Variants in STYX observed in about 807,000 individuals in gnomAD.
STYX encodes serine/threonine/tyrosine-interacting protein.
In STYX, 20 loss-of-function variants were observed where a neutral mutation model predicts 42.7. That is an observed-to-expected ratio of 0.47 (90% CI 0.33 to 0.68). The LOEUF (loss-of-function observed/expected upper bound fraction) is 0.68. Among genes scored for constraint, STYX ranks in the 30% least tolerant of loss-of-function variants. The pLI, the probability that STYX is intolerant of heterozygous loss-of-function variation, is 0.02. For missense variants in STYX, 226 were observed against 268.5 expected, an observed-to-expected ratio of 0.84 and a Z score of 1.11; for synonymous variants, 78 against 81.9, an observed-to-expected ratio of 0.95 and a Z score of 0.26.
At chr14:52,732,263 C>G (rs1341245862) in intron 1 of STYX, among the ~76,000 whole-genome samples, 2 of 131,310 alleles carry the variant, frequency 1.5e-5, no homozygotes, top group Non-Finnish European at 3.2e-5. Flanking sequence ...CCGCCAGGCC[C>G]AGCTTTTTTT....
chr14:52,750,747 A>G lies in STYX; in HGVS notation c.209A>G (p.Asn70Ser). The G allele has an allele frequency of 6.3e-7, 1 of 1,594,532 alleles. No individual in the cohort carries two copies. Among genetic ancestry groups the G allele is most frequent in the African/African-American group, 1.3e-5 (1 of 74,154 alleles). ...IICIRQNIEA[N>S]FIKPNFQQLF... Reference sequence around the variant, plus strand: ...TGCATACGACAAAATATTGAAGCAAACTTTATTAAACCAAACTTTCAGCAG... The same window carrying G: ...TGCATACGACAAAATATTGAAGCAAGCTTTATTAAACCAAACTTTCAGCAG... Residue 70 changes from asparagine to serine, a missense_variant, in exon 4 of 11, where the codon AAC (asparagine) becomes AGC (serine). By Grantham distance (46) the Asn-to-Ser change is conservative (BLOSUM62 1). Transcript: ENST00000354586.
intron 9 of STYX, among the ~76,000 whole-genome samples, chr14:52,767,732 T>C (rs1050505198): frequency 7.9e-5 from 12 of 152,170 alleles, no homozygotes; most frequent in Non-Finnish European, 1.6e-4. Context: ...TTATTTTGTT[T>C]AAATTGATAA....
At chr14:52,732,305 C>T (rs1276046279) in intron 1 of STYX, among the ~76,000 whole-genome samples, 8 of 133,148 alleles carry the variant, frequency 6.0e-5, no homozygotes, top group African/African-American at 2.0e-4. Context: ...CTCACTCTGT[C>T]GCCCAGGCTG....
At chr14:52,759,822 T>C in intron 9 of STYX, 68 bp downstream of exon 9, 2 of 1,034,688 alleles carry the variant, frequency 1.9e-6, no homozygotes, top group Non-Finnish European at 2.9e-6. Context: ...GTAATTTAGG[T>C]GTACAATTTA....
chr14:52,757,022 T>C (rs555710506), intron 5 of STYX, among the ~76,000 whole-genome samples: 1 of 152,326 alleles, frequency 6.6e-6, no homozygotes, highest in African/African-American at 2.4e-5. Flanking sequence ...CTACTTTTAC[T>C]TTGCTATGAC....
At chr14:52,756,675 C>CTTTTTTTT (rs748826005) in intron 5 of STYX, 64 bp downstream of exon 5, 2 of 70,444 alleles carry the variant, frequency 2.8e-5, no homozygotes, top group Non-Finnish European at 5.1e-5. Flanking sequence ...CTTAGTTGTG[C>CTTTTTTTT]TTTTTTTTTT....
In STYX at chr14:52,732,045, G is replaced by A. The variant is rs192263181; in HGVS notation, c.57+1514G>A. Among the ~76,000 whole-genome samples the A allele has an allele frequency of 3.0e-3, 444 of 149,076 alleles. 1 individual carries two copies. Among genetic ancestry groups the A allele is most frequent in the Non-Finnish European group, 5.0e-3 (341 of 67,536 alleles). ...CCGCCTTGTCCTCCGAAAGTGTTGGGATTACAGGTGTGAGCCACTGCACCT... is the reference window on the plus strand; with the variant it reads ...CCGCCTTGTCCTCCGAAAGTGTTGGAATTACAGGTGTGAGCCACTGCACCT... On this transcript the variant is annotated intron_variant, in intron 1 of 10. Coordinates refer to ENST00000354586, the MANE Select transcript of STYX (RefSeq NM_145251.4).
In STYX at chr14:52,771,096, A is replaced by G. The variant is rs1566682954; in HGVS notation, c.662A>G (p.Gln221Arg). Residue 221 changes from glutamine (Q) to arginine (R), a missense_variant, in exon 11 of 11, where the codon CAG (glutamine) becomes CGG (arginine). Gln to Arg is a conservative substitution (Grantham distance 43, BLOSUM62 1). Coordinates refer to ENST00000354586, the MANE Select transcript of STYX (RefSeq NM_145251.4). ...GGAACCATGCAAGTGGCGACTGCACAGAATGGCTGACTTGAAGAGCAACAT... is the reference window on the plus strand; with the variant it reads ...GGAACCATGCAAGTGGCGACTGCACGGAATGGCTGACTTGAAGAGCAACAT... ...DFGTMQVATA[Q>R]NG The G allele has an allele frequency of 1.2e-6, 2 of 1,609,500 alleles. No individual in the cohort carries two copies. Among genetic ancestry groups the G allele is most frequent in the Non-Finnish European group, 8.5e-7 (1 of 1,176,972 alleles).
intron 1 of STYX, among the ~76,000 whole-genome samples, chr14:52,744,520 A>C (rs1881321055): frequency 6.6e-6 from 1 of 152,080 alleles, no homozygotes; most frequent in Admixed American, 6.6e-5. Flanking sequence ...GAAACAAAAA[A>C]AATCTATTGG....
intron 9 of STYX, among the ~76,000 whole-genome samples, chr14:52,761,212 C>T (rs1882079971): frequency 1.3e-5 from 2 of 151,588 alleles, no homozygotes; most frequent in Non-Finnish European, 2.9e-5. Context: ...CCTGTAATCC[C>T]AGCTACTCAG....
At chr14:52,744,480 T>C (rs774306061) in intron 1 of STYX, among the ~76,000 whole-genome samples, 2 of 152,208 alleles carry the variant, frequency 1.3e-5, no homozygotes, top group Non-Finnish European at 2.9e-5. Context: ...GTTTTAGGTA[T>C]CTGCTGTCAG....
At chr14:52,767,192 G>A (rs1882336095) in intron 9 of STYX, among the ~76,000 whole-genome samples, 2 of 152,198 alleles carry the variant, frequency 1.3e-5, no homozygotes, top group Non-Finnish European at 2.9e-5. Flanking sequence ...ATTTGAGGTA[G>A]AGGAATAAGT....
At chr14:52,762,207 T>A (rs778909668) in intron 9 of STYX, among the ~76,000 whole-genome samples, 29 of 152,124 alleles carry the variant, frequency 1.9e-4, no homozygotes, top group Admixed American at 5.2e-4. Context: ...ATTTTTGTGA[T>A]CATTTGTTGG....
At chr14:52,743,609 T>C (rs1056328060) in intron 1 of STYX, among the ~76,000 whole-genome samples, 1 of 152,048 alleles carries the variant, frequency 6.6e-6, no homozygotes, top group Non-Finnish European at 1.5e-5. Flanking sequence ...AAAAATACTT[T>C]TCTGACTTAG....
At chr14:52,746,764 C>T (rs1881411437) in intron 3 of STYX, among the ~76,000 whole-genome samples, 1 of 152,160 alleles carries the variant, frequency 6.6e-6, no homozygotes, top group Non-Finnish European at 1.5e-5. Flanking sequence ...CTCTAAAACA[C>T]TAGACATCTG....
chr14:52,749,822 CTT>C lies in STYX; in HGVS notation c.145-857_145-856del, dbSNP rs560437530. 1.2e-3 allele frequency among the ~76,000 whole-genome samples: 180 copies of C among 152,262 alleles called. 2 individuals are homozygous for C. The highest frequency in any genetic ancestry group is 4.3e-3 in the African/African-American group (177 of 41,552). Reference sequence around the variant, plus strand: ...AAATCTGAAATGCTCCAAAGTGAAACTTTTTGAGTGTCAGCATGACAGCACAA... The same window carrying C: ...AAATCTGAAATGCTCCAAAGTGAAACTTTGAGTGTCAGCATGACAGCACAA... On this transcript the variant is annotated intron_variant, in intron 3 of 10. Transcript: ENST00000354586.
At chr14:52,752,677 A>G (rs1277888407) in intron 4 of STYX, among the ~76,000 whole-genome samples, 2 of 152,012 alleles carry the variant, frequency 1.3e-5, no homozygotes, top group East Asian at 3.9e-4. Context: ...AGGGTGTGGA[A>G]CAATGTATAT....
intron 9 of STYX, among the ~76,000 whole-genome samples, chr14:52,760,054 A>ATT (rs1327310070): frequency 1.3e-5 from 2 of 152,056 alleles, no homozygotes; most frequent in African/African-American, 4.8e-5. Context: ...AATTAAAAAA[A>ATT]AATTAGCCAG....
Position 52,730,620 on chromosome 14 carries a change from A to T in STYX, c.57+89A>T, listed in dbSNP as rs1394584895. ...CCAGTCCCCAACCGTCTTAGCCGCC[A>T]CCTGTACGGGCGCCCTGCCTCCTAA... On this transcript the variant is annotated intron_variant, in intron 1 of 10. Transcript: ENST00000354586. 1.6e-5 allele frequency: 23 copies of T among 1,462,318 alleles called. No individual in the cohort carries two copies. In the Middle Eastern group the frequency reaches 5.8e-4, roughly 37 times the overall value. 90.6% of individuals were successfully genotyped at this position (1,462,318 alleles called of 1,614,324 possible).
Sources: gnomAD v4.1 joint callset for allele counts (sites outside exome capture counted in the v4.1 genomes callset) on GRCh38, gnomAD v4.1.1 for gene constraint, MANE v1.5 for transcripts, NCBI Gene and HGNC (gene_info 2026-07-23, HGNC 2026-07-21) for gene names.